CSMD2: variants seen among roughly 807,000 people sequenced by gnomAD.
CSMD2 encodes the protein CUB and Sushi multiple domains 2.
A neutral mutation model predicts 398.5 loss-of-function variants in CSMD2; 130 were observed. The ratio of observed to expected loss-of-function variants is 0.33; its 90% confidence interval spans 0.28 to 0.38. The LOEUF is 0.38. Ranked by LOEUF, CSMD2 falls within the 10% of genes least tolerant of loss-of-function variation. The pLI, the probability that CSMD2 is intolerant of heterozygous loss-of-function variation, is 1.00. For missense variants in CSMD2, 3,829 were observed against 4,764.9 expected, an observed-to-expected ratio of 0.80 and a Z score of 5.78; for synonymous variants, 1,828 against 1,908.5, an observed-to-expected ratio of 0.96 and a Z score of 1.10.
In CSMD2 at chr1:33,636,089, G is replaced by T. The variant is rs550287896; in HGVS notation, c.4969+271C>A. On this transcript the variant is annotated intron_variant, in intron 30 of 70. Coordinates refer to ENST00000373381, the MANE Select transcript of CSMD2 (RefSeq NM_001281956.2). The surrounding 1 kb of genome is among the most constrained non-coding windows in gnomAD (Gnocchi z 4.8). ...CTCCCTGGTGTGAGCTCCCTGATGT[G>T]GCATGTCTGGGGGCCTCTGTTGAGG... 1.3e-5 allele frequency among the ~76,000 whole-genome samples: 2 copies of T among 152,272 alleles called. No individual in the cohort carries two copies. Among genetic ancestry groups the T allele is most frequent in the South Asian group, 2.1e-4 (1 of 4,820 alleles).
intron 15 of CSMD2, among the ~76,000 whole-genome samples, chr1:33,732,617 A>G (rs1052032652): frequency 5.9e-5 from 9 of 152,206 alleles, no homozygotes; most frequent in Admixed American, 2.0e-4. Flanking sequence ...CAGACCTGTG[A>G]GAAAATAAAT....
intron 2 of CSMD2, among the ~76,000 whole-genome samples, chr1:34,040,940 T>C (rs59366396): frequency 6.6e-6 from 1 of 152,118 alleles, no homozygotes; most frequent in East Asian, 1.9e-4. Context: ...CCCTGGTCAA[T>C]ATAGTGAGAT....
Position 33,527,206 on chromosome 1 carries a change from G to A in CSMD2, c.10224C>T (p.Thr3408=), listed in dbSNP as rs1654851681. ...CTGGACCATACGTACTCAAGGCTTG[G>A]GTGAGCGGTGGCTCCCGGGCAGTGT... ...PINTAREPPL[T]QALIPGDVFA... Residue 3408 remains threonine, a synonymous_variant, in exon 65 of 71, where the codon ACC becomes ACT. Coordinates refer to ENST00000373381, the MANE Select transcript of CSMD2 (RefSeq NM_001281956.2). 1.2e-6 allele frequency: 2 copies of A among 1,613,840 alleles called. No homozygotes were observed. The highest frequency in any genetic ancestry group is 1.3e-5 in the African/African-American group (1 of 74,894).
intron 2 of CSMD2, among the ~76,000 whole-genome samples, chr1:34,042,467 T>C (rs535700732): frequency 1.3e-5 from 2 of 152,318 alleles, no homozygotes; most frequent in Non-Finnish European, 2.9e-5. Context: ...TAATTCTATA[T>C]TAGTTGGGCT....
chr1:33,653,154 G>A (rs914282799), intron 27 of CSMD2, among the ~76,000 whole-genome samples: 9 of 152,214 alleles, frequency 5.9e-5, no homozygotes, highest in Middle Eastern at 3.4e-3. Context: ...TGTCTCTCCC[G>A]TATCATAAAA....
At chr1:34,012,434 TTTAAC>T (rs371357958) in intron 3 of CSMD2, among the ~76,000 whole-genome samples, 5 of 152,136 alleles carry the variant, frequency 3.3e-5, no homozygotes, top group South Asian at 4.1e-4. Flanking sequence ...AATTTTCTCT[TTTAAC>T]TTGTCTATTT....
chr1:33,872,676 C>A (rs1041401390), intron 5 of CSMD2, among the ~76,000 whole-genome samples: 1 of 151,942 alleles, frequency 6.6e-6, no homozygotes, highest in Non-Finnish European at 1.5e-5. Flanking sequence ...TCTGAGAAAA[C>A]CTATGAGAAG....
intron 15 of CSMD2, among the ~76,000 whole-genome samples, chr1:33,728,062 G>A (rs1646598308): frequency 1.3e-5 from 2 of 152,184 alleles, no homozygotes; most frequent in Admixed American, 1.3e-4. Context: ...CGGAGGTTGA[G>A]TAACTAGCCT....
chr1:33,918,300 A>G lies in CSMD2; in HGVS notation c.714T>C (p.Ala238=). ...GCAGGGTCCCACCACAGGCATCATC[A>G]GCTGTGGGCACAGAGAGAAGAGGCT... ...TWDFPLPSCR[A]DDACGGTLRG... The change falls in exon 5 of 71, where the codon GCT becomes GCC. Residue 238 remains alanine, a splice_region_variant and synonymous_variant. Coordinates refer to ENST00000373381, the MANE Select transcript of CSMD2 (RefSeq NM_001281956.2). The G allele has an allele frequency of 1.2e-6, 2 of 1,613,596 alleles. No individual in the cohort carries two copies. The highest frequency in any genetic ancestry group is 8.5e-7 in the Non-Finnish European group (1 of 1,179,840).
chr1:33,574,401 A>AATACTTATAAATCATCCTTGCTC (rs1659880265), intron 49 of CSMD2, among the ~76,000 whole-genome samples: 2 of 152,314 alleles, frequency 1.3e-5, no homozygotes, highest in Admixed American at 1.3e-4. Context: ...GAAAGAAAGT[A>AATACTTATAAATCATCCTTGCTC]ATACTTATAA....
intron 1 of CSMD2, among the ~76,000 whole-genome samples, chr1:34,129,734 T>C (rs1487626483): frequency 2.0e-5 from 3 of 152,240 alleles, no homozygotes; most frequent in Non-Finnish European, 2.9e-5. Context: ...ACTGCAGACA[T>C]GCACATGTGC....
intron 2 of CSMD2, among the ~76,000 whole-genome samples, chr1:34,069,104 A>G (rs1032339593): frequency 6.6e-6 from 1 of 152,196 alleles, no homozygotes; most frequent in Admixed American, 6.5e-5. Context: ...CCTGCATGAC[A>G]TTGTTCATCT....
At chr1:33,747,248 A>G (rs1226330766) in intron 13 of CSMD2, among the ~76,000 whole-genome samples, 1 of 152,270 alleles carries the variant, frequency 6.6e-6, no homozygotes, top group African/African-American at 2.4e-5. Context: ...TTATGTAAAC[A>G]TAGTTATAAA....
intron 24 of CSMD2, among the ~76,000 whole-genome samples, chr1:33,696,607 C>A (rs1395574161): frequency 6.6e-6 from 1 of 152,074 alleles, no homozygotes; most frequent in Non-Finnish European, 1.5e-5. Context: ...TTATCCATGT[C>A]CTTGGTTAGA....
rs1558342756 is a variant in CSMD2, at chr1:34,076,931, ATATATATATAT to A, written c.404+12035_404+12045del. ...AAGCAAAAAAAAAAAAAAAAAAAAT[ATATATATATAT>A]ATATATATATATATAGAAGGCTTGA... On this transcript the variant is annotated intron_variant, in intron 2 of 70. Transcript: ENST00000373381. 2.9e-3 allele frequency among the ~76,000 whole-genome samples: 236 copies of A among 81,282 alleles called. 8 individuals carry two copies. Among genetic ancestry groups the A allele is most frequent in the African/African-American group, 0.011 (206 of 19,154 alleles). 53.3% of individuals were successfully genotyped at this position (81,282 alleles called of 152,430 possible).
intron 12 of CSMD2, among the ~76,000 whole-genome samples, chr1:33,776,233 G>GC (rs2149337776): frequency 6.6e-6 from 1 of 152,224 alleles, no homozygotes; most frequent in South Asian, 2.1e-4. Context: ...GGAGAAAGGG[G>GC]CCCCCTACAG....
At chr1:33,544,393 A>G (rs564733870) in intron 57 of CSMD2, among the ~76,000 whole-genome samples, 2 of 151,714 alleles carry the variant, frequency 1.3e-5, no homozygotes, top group East Asian at 3.9e-4. Context: ...CTGGGATTAC[A>G]GGCGTGAGCC....
intron 25 of CSMD2, among the ~76,000 whole-genome samples, chr1:33,673,581 C>T (rs921775981): frequency 3.9e-5 from 6 of 152,070 alleles, no homozygotes; most frequent in Admixed American, 2.6e-4. Flanking sequence ...GCAAGGCAGG[C>T]CAACATTCAA....
At position 33,602,514 on chromosome 1, in the gene CSMD2, C is replaced by T. The variant is rs74066657; in HGVS notation, c.6565G>A (p.Gly2189Ser). The T allele has an allele frequency of 2.3e-4, 374 of 1,598,882 alleles. 1 individual carries two copies. In the African/African-American group the frequency reaches 3.6e-3, roughly 16 times the overall value. ...GGGAACCCCGGGGAGTACACAGTGC[C>T]GTTGGAAGAAGTGATGTTCCCGCCA... ...PCGGNITSSN[G>S]TVYSPGFPSP... The change falls in exon 43 of 71, where the codon GGC becomes AGC. Residue 2189 changes from glycine to serine, a missense_variant. Gly to Ser is a moderately conservative substitution (Grantham distance 56). This residue lies in a region of CSMD2 where 723 missense variants were observed against 758.6 expected (regional missense o/e 0.95). Coordinates refer to ENST00000373381, the MANE Select transcript of CSMD2 (RefSeq NM_001281956.2).
Sources: allele counts gnomAD v4.1 joint callset (sites outside exome capture counted in the v4.1 genomes callset), GRCh38; gene constraint gnomAD v4.1.1; regional missense constraint gnomAD v4.1.1; non-coding constraint Gnocchi (gnomAD v3.1); transcripts MANE v1.5; gene names NCBI Gene and HGNC (gene_info 2026-07-23, HGNC 2026-07-21).